The following SUSD6 variants were observed in gnomAD, a reference collection of about 807,000 sequenced individuals.
SUSD6 encodes sushi domain-containing protein 6.
Under a neutral mutation model 28.4 loss-of-function variants are expected in SUSD6, and 16 were observed. The ratio of observed to expected loss-of-function variants is 0.56; its 90% CI spans 0.38 to 0.86. SUSD6 has a LOEUF of 0.86. Among genes scored for constraint, SUSD6 ranks in the 40% least tolerant of loss-of-function variants. SUSD6 has a pLI of 0.00. For missense variants in SUSD6, 341 were observed against 384.2 expected (o/e 0.89, Z 0.94); for synonymous variants, 147 against 159.6 (o/e 0.92, Z 0.59).
At chr14:69,628,179 C>T (rs1885142990) in intron 1 of SUSD6, among the ~76,000 whole-genome samples, 1 of 151,652 alleles carries the variant, frequency 6.6e-6, no homozygotes, top group Non-Finnish European at 1.5e-5. Context: ...GTGATCCACC[C>T]ACCTCTGCCT....
At chr14:69,641,039 T>C (rs1885343910) in intron 1 of SUSD6, among the ~76,000 whole-genome samples, 1 of 152,238 alleles carries the variant, frequency 6.6e-6, no homozygotes, top group African/African-American at 2.4e-5. Context: ...CTAAATATTA[T>C]TCCAGTGCAC....
chr14:69,690,975 C>A (rs1305327562), intron 2 of SUSD6, among the ~76,000 whole-genome samples: 1 of 152,140 alleles, frequency 6.6e-6, no homozygotes, highest in African/African-American at 2.4e-5. Context: ...GGTGGGACCC[C>A]ACCCCCCAGA....
At chr14:69,651,107 G>A (rs1049746704) in intron 1 of SUSD6, among the ~76,000 whole-genome samples, 29 of 152,160 alleles carry the variant, frequency 1.9e-4, no homozygotes, top group African/African-American at 7.0e-4. Context: ...GATCATCCAG[G>A]TTCACCCCTG....
intron 1 of SUSD6, among the ~76,000 whole-genome samples, chr14:69,614,504 C>G (rs1382560166): frequency 1.3e-5 from 2 of 152,196 alleles, no homozygotes; most frequent in African/African-American, 4.8e-5. Flanking sequence ...AATAATTCAC[C>G]TGGTTTCTTT....
intron 2 of SUSD6, among the ~76,000 whole-genome samples, chr14:69,687,608 A>G (rs1886092103): frequency 6.6e-6 from 1 of 152,214 alleles, no homozygotes; most frequent in African/African-American, 2.4e-5. Context: ...TAGAGTTGTT[A>G]TGTATGTGCT....
At chr14:69,707,704 G>A (rs943275) in intron 4 of SUSD6, among the ~76,000 whole-genome samples, 107,483 of 151,990 alleles carry the variant, frequency 0.71, 39,988 homozygotes, top group South Asian at 0.83. Flanking sequence ...TTGTGATCAC[G>A]CCACTGCACT....
At chr14:69,710,316 TG>T (rs1485494799) in intron 5 of SUSD6, among the ~76,000 whole-genome samples, 1 of 152,132 alleles carries the variant, frequency 6.6e-6, no homozygotes, top group African/African-American at 2.4e-5. Flanking sequence ...GTTTCAGGGG[TG>T]ATACAGAGAA....
intron 1 of SUSD6, among the ~76,000 whole-genome samples, chr14:69,622,038 T>C (rs186136801): frequency 6.6e-6 from 1 of 152,358 alleles, no homozygotes; most frequent in East Asian, 1.9e-4. Context: ...AACTCATTAA[T>C]TGATCAAGTA....
chr14:69,701,894 AG>A lies in SUSD6; in HGVS notation c.122-1498del, dbSNP rs1251806338. 2.0e-5 allele frequency among the ~76,000 whole-genome samples: 3 copies of A among 152,126 alleles called. No homozygotes were observed. The East Asian group carries it at 5.8e-4, about 29-fold the overall frequency. On this transcript the variant is annotated intron_variant, in intron 2 of 5. Coordinates refer to ENST00000342745, the MANE Select transcript of SUSD6 (RefSeq NM_014734.4). Reference sequence around the variant, plus strand: ...CCCATCTCAAGTGATAAGCAAATTGAGGGTAGGGAGCCATCATCTCTTTTCC... The same window carrying A: ...CCCATCTCAAGTGATAAGCAAATTGAGGTAGGGAGCCATCATCTCTTTTCC...
chr14:69,658,549 G>A lies in SUSD6; in HGVS notation c.-44G>A. 6.2e-7 allele frequency: 1 copy of A among 1,610,112 alleles called. No homozygotes were observed. Among genetic ancestry groups the A allele is most frequent in the Non-Finnish European group, 8.5e-7 (1 of 1,177,350 alleles). On this transcript the variant is annotated 5_prime_UTR_variant, in exon 2 of 6. Transcript: ENST00000342745. ...CCCGGCCGACTTTAGGATTCTTCTG[G>A]ATTTTAAATTTTTTCTTTTTAAAAA...
intron 2 of SUSD6, among the ~76,000 whole-genome samples, chr14:69,680,315 G>A (rs1010829184): frequency 6.6e-6 from 1 of 152,118 alleles, no homozygotes; most frequent in African/African-American, 2.4e-5. Context: ...AGGTGTGTAG[G>A]CAGCTGACTG....
At chr14:69,633,963 G>T (rs1188350183) in intron 1 of SUSD6, among the ~76,000 whole-genome samples, 1 of 152,230 alleles carries the variant, frequency 6.6e-6, no homozygotes, top group African/African-American at 2.4e-5. Flanking sequence ...GCAGCTGGAG[G>T]CTGGGGACCA....
At chr14:69,614,041 G>A (rs560836553) in intron 1 of SUSD6, among the ~76,000 whole-genome samples, 2 of 152,290 alleles carry the variant, frequency 1.3e-5, no homozygotes, top group South Asian at 4.1e-4. Context: ...AGTCTCTGAG[G>A]TGTGGTGATT....
At chr14:69,676,170 G>A (rs963216573) in intron 2 of SUSD6, among the ~76,000 whole-genome samples, 1 of 152,128 alleles carries the variant, frequency 6.6e-6, no homozygotes, top group African/African-American at 2.4e-5. Flanking sequence ...TCTGTCTAGG[G>A]AGGCTTCCCC....
intron 5 of SUSD6, among the ~76,000 whole-genome samples, chr14:69,709,697 A>C (rs983514387): frequency 6.6e-6 from 1 of 152,260 alleles, no homozygotes; most frequent in Non-Finnish European, 1.5e-5. Context: ...ATTTGAAGCC[A>C]GATTCTGCCT....
intron 2 of SUSD6, among the ~76,000 whole-genome samples, chr14:69,677,362 G>A (rs1052055930): frequency 1.3e-5 from 2 of 151,890 alleles, no homozygotes; most frequent in African/African-American, 2.4e-5. Flanking sequence ...TGGCTAACAC[G>A]GTGAAACCCC....
intron 1 of SUSD6, among the ~76,000 whole-genome samples, chr14:69,634,286 T>C (rs2139598734): frequency 6.6e-6 from 1 of 152,246 alleles, no homozygotes; most frequent in South Asian, 2.1e-4. Flanking sequence ...ACCTGTCAGA[T>C]TGAGGATTTG....
intron 2 of SUSD6, among the ~76,000 whole-genome samples, chr14:69,689,098 A>G (rs556322228): frequency 6.6e-6 from 1 of 152,270 alleles, no homozygotes; most frequent in South Asian, 2.1e-4. Context: ...TATCCCCGTC[A>G]TAATCCTTTA....
intron 2 of SUSD6, among the ~76,000 whole-genome samples, chr14:69,670,980 T>C (rs1402203410): frequency 6.6e-6 from 1 of 152,256 alleles, no homozygotes; most frequent in Admixed American, 6.5e-5. Context: ...GTTCAGTAGC[T>C]GTAGTTTCAA....
Sources: gnomAD v4.1 joint callset for allele counts (sites outside exome capture counted in the v4.1 genomes callset) on GRCh38, gnomAD v4.1.1 for gene constraint, MANE v1.5 for transcripts, NCBI Gene and HGNC (gene_info 2026-07-23, HGNC 2026-07-21) for gene names.